The following INSL6 variants were observed in gnomAD, a reference collection of about 807,000 sequenced individuals.
INSL6 encodes insulin-like peptide INSL6.
A neutral mutation model predicts 9.4 loss-of-function variants in INSL6; 16 were observed. That is an observed-to-expected ratio of 1.70 (90% CI 1.15 to 2.59). The LOEUF is 2.59. Among genes scored for constraint, INSL6 ranks in the 30% most tolerant of loss-of-function variants. INSL6 has a pLI of 0.00. For synonymous variants in INSL6, 154 were observed against 96.9 expected (o/e 1.59, Z -3.46); for missense variants, 391 against 257.3 (o/e 1.52, Z -3.56).
chr9:5,060,644 C>G, the INSL6 span, among the ~76,000 whole-genome samples: 1 of 152,134 alleles, frequency 6.6e-6, no homozygotes, highest in African/African-American at 2.4e-5. Flanking sequence ...TCTACCACAT[C>G]CTAGTGACTT....
intron 1 of INSL6, among the ~76,000 whole-genome samples, chr9:5,184,773 G>A (rs779528505): frequency 6.6e-6 from 1 of 152,202 alleles, no homozygotes; most frequent in Non-Finnish European, 1.5e-5. Context: ...CTCCTGGTAC[G>A]TGACCAGGGG....
chr9:5,032,227 G>A, the INSL6 span, among the ~76,000 whole-genome samples: 2 of 152,238 alleles, frequency 1.3e-5, no homozygotes, highest in Non-Finnish European at 2.9e-5. Context: ...GCCGAGGGTT[G>A]AGTAGGTAAA....
At chr9:5,174,806 G>C (rs1308213661) in intron 1 of INSL6, among the ~76,000 whole-genome samples, 1 of 152,096 alleles carries the variant, frequency 6.6e-6, no homozygotes, top group Non-Finnish European at 1.5e-5. Flanking sequence ...AATTCAACAT[G>C]TCCAAAACTG....
chr9:5,098,013 T>C, the INSL6 span: 1 of 152,224 alleles, frequency 6.6e-6, no homozygotes, highest in African/African-American at 2.4e-5. Context: ...GCATGAAATA[T>C]TATCTCATCC....
the INSL6 span, among the ~76,000 whole-genome samples, chr9:5,084,472 T>C: frequency 6.6e-6 from 1 of 152,142 alleles, no homozygotes; most frequent in African/African-American, 2.4e-5. Flanking sequence ...GTGAAAATAT[T>C]CCAAAGAGGG....
In INSL6 at chr9:5,164,267, T is replaced by C. The variant is rs1824996210; in HGVS notation, c.290-2A>G. On this transcript the variant is annotated splice_acceptor_variant, in intron 1 of 1. Coordinates refer to ENST00000381641, the MANE Select transcript of INSL6 (RefSeq NM_007179.3). LOFTEE classifies it high-confidence loss of function. ...CTGCTTCTTCCCAAGAAGTAGACAC[T>C]GTTGAGAGAGAAGAAAATAAATGCT... is the stretch of plus-strand genomic sequence containing the variant. 6 of 1,574,322 alleles carry C rather than the reference T, an allele frequency of 3.8e-6. No individual in the cohort carries two copies. The highest frequency in any genetic ancestry group is 5.2e-6 in the Non-Finnish European group (6 of 1,151,028).
chr9:5,033,881 C>T, the INSL6 span, among the ~76,000 whole-genome samples: 1 of 152,154 alleles, frequency 6.6e-6, no homozygotes, highest in Non-Finnish European at 1.5e-5. Context: ...ATCAAATTCA[C>T]CCATAACAAT....
the INSL6 span, chr9:5,109,679 C>G: frequency 6.6e-6 from 1 of 152,160 alleles, no homozygotes; most frequent in African/African-American, 2.4e-5. Flanking sequence ...TTATCTCAAA[C>G]TGACATTGAA....
the INSL6 span, among the ~76,000 whole-genome samples, chr9:5,037,044 C>A: frequency 6.6e-6 from 1 of 152,134 alleles, no homozygotes; most frequent in Non-Finnish European, 1.5e-5. Context: ...AAAAAGTGGG[C>A]GAAGGATACG....
the INSL6 span, among the ~76,000 whole-genome samples, chr9:5,102,233 A>G: frequency 3.3e-5 from 5 of 152,318 alleles, no homozygotes; most frequent in African/African-American, 1.2e-4. Flanking sequence ...CATGAGAACT[A>G]CAGGACGCAT....
chr9:5,065,559 T>G, the INSL6 span, among the ~76,000 whole-genome samples: 3 of 152,198 alleles, frequency 2.0e-5, no homozygotes, highest in Non-Finnish European at 2.9e-5. Flanking sequence ...GTTTAGCATT[T>G]GAGATGTGGC....
chr9:5,096,808 TAGG>T, the INSL6 span: 5 of 152,210 alleles, frequency 3.3e-5, no homozygotes, highest in African/African-American at 1.2e-4. Context: ...GGAACTCTGC[TAGG>T]AGATGACCAG....
the INSL6 span, among the ~76,000 whole-genome samples, chr9:5,042,199 G>T: frequency 1.4e-5 from 2 of 146,992 alleles, no homozygotes; most frequent in Non-Finnish European, 3.0e-5. Context: ...CTGCAGTGGC[G>T]CAATCTCGGC....
At chr9:5,076,404 A>G in the INSL6 span, among the ~76,000 whole-genome samples, 20 of 152,336 alleles carry the variant, frequency 1.3e-4, no homozygotes, top group Non-Finnish European at 2.5e-4. Flanking sequence ...AACTTTAAGC[A>G]GCCACCACCA....
chr9:5,022,420 T>G, the INSL6 span, among the ~76,000 whole-genome samples: 2 of 152,304 alleles, frequency 1.3e-5, no homozygotes, highest in African/African-American at 4.8e-5. Context: ...CAAAACAAAT[T>G]GATGCCCATA....
chr9:5,082,378 C>G, the INSL6 span, among the ~76,000 whole-genome samples: 3 of 152,242 alleles, frequency 2.0e-5, no homozygotes, highest in Non-Finnish European at 1.5e-5. Flanking sequence ...TTATGCTTCT[C>G]TCCACCCAAA....
At chr9:5,158,811 A>T (rs1289204750) in intron 2 of INSL6, among the ~76,000 whole-genome samples, 1 of 152,222 alleles carries the variant, frequency 6.6e-6, no homozygotes, top group African/African-American at 2.4e-5. Context: ...CTGAACATAC[A>T]ACACTAACTG....
chr9:5,090,160 G>C, the INSL6 span, among the ~76,000 whole-genome samples: 5 of 151,982 alleles, frequency 3.3e-5, no homozygotes, highest in South Asian at 1.0e-3. Context: ...AATGTTTTTT[G>C]TTCGATATCA....
At chr9:5,085,859 G>A in the INSL6 span, 4 of 773,856 alleles carry the variant, frequency 5.2e-6, no homozygotes, top group Non-Finnish European at 9.6e-6. Flanking sequence ...AGTACTCAGA[G>A]ATTTCCTTAA....
Sources: gnomAD v4.1 joint callset for allele counts (sites outside exome capture counted in the v4.1 genomes callset) on GRCh38, gnomAD v4.1.1 for gene constraint, MANE v1.5 for transcripts, NCBI Gene and HGNC (gene_info 2026-07-23, HGNC 2026-07-21) for gene names.